LY96: variants seen among roughly 807,000 people sequenced by gnomAD.
LY96 encodes myeloid differentiation protein-2.
Under a neutral mutation model 18.9 loss-of-function variants are expected in LY96, and 18 were observed. The ratio of observed to expected loss-of-function variants is 0.95; its 90% CI spans 0.66 to 1.41. The LOEUF is 1.41. LY96 is among the 40% of genes most tolerant of loss of function. LY96 has a pLI of 0.00. For missense variants in LY96, 175 were observed against 182.4 expected (o/e 0.96, Z 0.23); for synonymous variants, 66 against 62.6 (o/e 1.06, Z -0.26).
chr8:74,018,409 C>G, intron 3 of LY96, among the ~76,000 whole-genome samples: 1 of 152,008 alleles, frequency 6.6e-6, no homozygotes, highest in East Asian at 1.9e-4. Context: ...ACAGGAGCAC[C>G]CAGATTCATA....
chr8:74,066,878 A>C, the LY96 span, among the ~76,000 whole-genome samples: 1 of 152,260 alleles, frequency 6.6e-6, no homozygotes, highest in African/African-American at 2.4e-5. Context: ...TTGCAAATGC[A>C]GCTAAAGAGG....
chr8:74,075,313 C>G, the LY96 span, among the ~76,000 whole-genome samples: 47 of 152,198 alleles, frequency 3.1e-4, no homozygotes, highest in Non-Finnish European at 4.4e-5. Flanking sequence ...CTCTAATGAC[C>G]AGGCTGGAGT....
downstream of LY96, among the ~76,000 whole-genome samples, chr8:74,029,835 T>G (rs978790024): frequency 2.0e-5 from 3 of 152,164 alleles, no homozygotes; most frequent in African/African-American, 7.2e-5. Context: ...AATTTTTGTA[T>G]TTTTAGTGGA....
chr8:74,055,545 A>G, the LY96 span, among the ~76,000 whole-genome samples: 2 of 152,220 alleles, frequency 1.3e-5, no homozygotes, highest in South Asian at 4.1e-4. Context: ...CACACTATGC[A>G]TAGTAGACAG....
chr8:74,044,615 G>A, the LY96 span, among the ~76,000 whole-genome samples: 1 of 152,084 alleles, frequency 6.6e-6, no homozygotes, highest in African/African-American at 2.4e-5. Context: ...ATGGGAAGAG[G>A]GCAAAGCAAA....
At chr8:73,992,036 T>C (rs1816015357) in intron 1 of LY96, among the ~76,000 whole-genome samples, 1 of 152,228 alleles carries the variant, frequency 6.6e-6, no homozygotes, top group Admixed American at 6.5e-5. Flanking sequence ...TGTGTGACCT[T>C]AAGCAAAGTA....
At chr8:74,036,252 C>A in the LY96 span, among the ~76,000 whole-genome samples, 1 of 152,298 alleles carries the variant, frequency 6.6e-6, no homozygotes, top group South Asian at 2.1e-4. Context: ...TAATGAAAGT[C>A]CACAAGATTA....
chr8:74,065,787 T>C, the LY96 span, among the ~76,000 whole-genome samples: 1 of 152,214 alleles, frequency 6.6e-6, no homozygotes, highest in Admixed American at 6.5e-5. Flanking sequence ...TCTTCACAAC[T>C]GAGACAGAAA....
the LY96 span, among the ~76,000 whole-genome samples, chr8:74,054,895 C>A: frequency 9.9e-5 from 15 of 151,834 alleles, no homozygotes; most frequent in African/African-American, 3.4e-4. Context: ...ATAAAAAAAT[C>A]ATGCACCACT....
the LY96 span, among the ~76,000 whole-genome samples, chr8:74,063,715 T>C: frequency 1.4e-5 from 2 of 142,974 alleles, no homozygotes; most frequent in African/African-American, 2.9e-5. Flanking sequence ...AAAGATCCTG[T>C]ACATCTTTTG....
chr8:74,060,112 A>G, the LY96 span, among the ~76,000 whole-genome samples: 1 of 152,142 alleles, frequency 6.6e-6, no homozygotes, highest in African/African-American at 2.4e-5. Flanking sequence ...ATGCCACTGC[A>G]CTCTACCCTG....
At chr8:74,017,081 A>T (rs1245413849) in intron 3 of LY96, among the ~76,000 whole-genome samples, 1 of 152,232 alleles carries the variant, frequency 6.6e-6, no homozygotes, top group Admixed American at 6.5e-5. Flanking sequence ...AGGCTTTAGA[A>T]GGTCAGTAAT....
At chr8:74,036,433 A>G in the LY96 span, among the ~76,000 whole-genome samples, 1 of 152,088 alleles carries the variant, frequency 6.6e-6, no homozygotes, top group Non-Finnish European at 1.5e-5. Context: ...TTCCCAATTG[A>G]TCCTATAGGT....
the LY96 span, among the ~76,000 whole-genome samples, chr8:74,070,637 A>T: frequency 6.6e-6 from 1 of 152,082 alleles, no homozygotes; most frequent in South Asian, 2.1e-4. Context: ...TCATCTTTGG[A>T]AATTTCCTTG....
the LY96 span, among the ~76,000 whole-genome samples, chr8:74,039,658 T>G: frequency 1.3e-5 from 2 of 152,096 alleles, no homozygotes; most frequent in African/African-American, 4.8e-5. Flanking sequence ...GCCCTTCCCT[T>G]TTAGGTAGCC....
At chr8:74,053,206 C>A in the LY96 span, among the ~76,000 whole-genome samples, 4 of 152,322 alleles carry the variant, frequency 2.6e-5, no homozygotes, top group African/African-American at 9.6e-5. Context: ...TGATACATGA[C>A]TTCGCCATGT....
chr8:74,004,931 A>G, intron 2 of LY96, 46 bp downstream of exon 2: 1 of 1,544,938 alleles, frequency 6.5e-7, no homozygotes, highest in Non-Finnish European at 8.9e-7. Flanking sequence ...AGGAGTTAAG[A>G]AATATCAGTG....
At chr8:74,019,476 A>G (rs1292187212) in intron 3 of LY96, among the ~76,000 whole-genome samples, 1 of 152,220 alleles carries the variant, frequency 6.6e-6, no homozygotes, top group African/African-American at 2.4e-5. Context: ...TTCACAGCCA[A>G]ATTCTACCAG....
At chr8:74,084,061 G>T in the LY96 span, among the ~76,000 whole-genome samples, 1 of 151,224 alleles carries the variant, frequency 6.6e-6, no homozygotes, top group East Asian at 1.9e-4. Flanking sequence ...ATTTGTTGAA[G>T]AAACTGGATG....
Sources: allele counts gnomAD v4.1 joint callset (sites outside exome capture counted in the v4.1 genomes callset), GRCh38; gene constraint gnomAD v4.1.1; transcripts MANE v1.5; gene names NCBI Gene and HGNC (gene_info 2026-07-23, HGNC 2026-07-21).